Variants in FAM219A observed in about 807,000 individuals in gnomAD.
FAM219A encodes family with sequence similarity 219 member A.
In FAM219A, 7 loss-of-function variants were observed where a neutral mutation model predicts 23.4. The observed-to-expected ratio is 0.30, with a 90% confidence interval of 0.17 to 0.56. The LOEUF (loss-of-function observed/expected upper bound fraction) is 0.56. Among genes scored for constraint, FAM219A ranks in the 20% least tolerant of loss-of-function variants. The probability of loss-of-function intolerance (pLI) is 0.92; values close to 1 mark genes in which losing one functional copy is unlikely to be tolerated. For synonymous variants in FAM219A, 93 were observed against 99.0 expected (o/e 0.94, Z 0.36); for missense variants, 166 against 246.9 (o/e 0.67, Z 2.20).
intron 1 of FAM219A, among the ~76,000 whole-genome samples, chr9:34,421,961 CT>C (rs1174965816): frequency 5.1e-4 from 78 of 152,272 alleles, no homozygotes; most frequent in Non-Finnish European, 5.9e-5. Context: ...AATAGTGTGG[CT>C]CTAGGCCAGC....
rs79329823 is a variant in FAM219A, at chr9:34,403,033, T to C, written c.161-226A>G. Among the ~76,000 whole-genome samples, 838 of 152,274 alleles carry C rather than the reference T, an allele frequency of 5.5e-3. 12 individuals are homozygous for C. Among genetic ancestry groups the C allele is most frequent in the Admixed American group, 0.021 (327 of 15,306 alleles). On this transcript the variant is annotated intron_variant, in intron 2 of 5. Transcript: ENST00000651358. ...AAAAAGAGGAGGCTGCCCCCTGTTT[T>C]TCAGGAACCACAACTCCCATGTTAG...
Position 34,401,173 on chromosome 9 carries a change from C to G in FAM219A, c.400-51G>C, listed in dbSNP as rs369418082. On this transcript the variant is annotated intron_variant, in intron 5 of 5. Coordinates refer to ENST00000651358, the MANE Select transcript of FAM219A (RefSeq NM_001184940.2). ...GGCCCGAGCGGCAGGGAGGCACCACCCACAGCTCTGCGGCCACTCCAGGCC... is the reference window on the plus strand; with the variant it reads ...GGCCCGAGCGGCAGGGAGGCACCACGCACAGCTCTGCGGCCACTCCAGGCC... 310 of 1,596,004 alleles carry G rather than the reference C, an allele frequency of 1.9e-4. 1 individual carries two copies. The highest frequency in any genetic ancestry group is 4.6e-4 in the Admixed American group (27 of 59,066).
chr9:34,426,599 T>G (rs895193949), intron 1 of FAM219A, among the ~76,000 whole-genome samples: 1 of 152,232 alleles, frequency 6.6e-6, no homozygotes. Flanking sequence ...CGTAGTAATG[T>G]AATTTAGTTT....
intron 1 of FAM219A, among the ~76,000 whole-genome samples, chr9:34,440,412 GT>G (rs1197237458): frequency 6.6e-6 from 1 of 152,266 alleles, no homozygotes; most frequent in Non-Finnish European, 1.5e-5. Context: ...CTCAGTGCAT[GT>G]ACTGTATTTG....
At chr9:34,401,249 C>G in intron 5 of FAM219A, 127 bp from the exon 6 acceptor site, 1 of 1,215,254 alleles carries the variant, frequency 8.2e-7, no homozygotes, top group Non-Finnish European at 1.2e-6. Flanking sequence ...CGCCCTGTCC[C>G]GGGTCTGTCT....
chr9:34,428,198 T>C (rs1165464144), intron 1 of FAM219A, among the ~76,000 whole-genome samples: 1 of 152,172 alleles, frequency 6.6e-6, no homozygotes, highest in African/African-American at 2.4e-5. Flanking sequence ...AACCTGGTTC[T>C]TGTAACCATG....
At chr9:34,455,917 G>A (rs113101427) in intron 1 of FAM219A, among the ~76,000 whole-genome samples, 1 of 152,190 alleles carries the variant, frequency 6.6e-6, no homozygotes, top group Non-Finnish European at 1.5e-5. Flanking sequence ...CTCAGGCCGG[G>A]CATAGCAGCT....
intron 1 of FAM219A, among the ~76,000 whole-genome samples, chr9:34,414,665 A>G (rs147648530): frequency 1.3e-4 from 20 of 152,362 alleles, no homozygotes; most frequent in Admixed American, 5.9e-4. Flanking sequence ...GATCTCTCCA[A>G]GTGTTATTGG....
intron 1 of FAM219A, among the ~76,000 whole-genome samples, chr9:34,410,035 G>C (rs909898795): frequency 6.6e-6 from 1 of 152,212 alleles, no homozygotes; most frequent in African/African-American, 2.4e-5. Context: ...CCTGGGCCGA[G>C]AGGGGAAGTG....
chr9:34,406,011 CAG>C (rs763911483), intron 1 of FAM219A, 47 bp from the exon 2 acceptor site: 22 of 1,539,918 alleles, frequency 1.4e-5, no homozygotes, highest in South Asian at 4.9e-5. Context: ...GGAGTGAAGA[CAG>C]GGGGCTGCTC....
At chr9:34,403,049 C>T (rs951742635) in intron 2 of FAM219A, among the ~76,000 whole-genome samples, 3 of 152,128 alleles carry the variant, frequency 2.0e-5, no homozygotes, top group African/African-American at 7.2e-5. Flanking sequence ...AACCACAACT[C>T]CCATGTTAGG....
chr9:34,442,695 AAC>A (rs1324102839), intron 1 of FAM219A, among the ~76,000 whole-genome samples: 1 of 151,642 alleles, frequency 6.6e-6, no homozygotes, highest in Non-Finnish European at 1.5e-5. Flanking sequence ...AAAAAAAAAA[AAC>A]AAAAAAAAAG....
chr9:34,427,365 G>A (rs1312488306), intron 1 of FAM219A, among the ~76,000 whole-genome samples: 1 of 151,770 alleles, frequency 6.6e-6, no homozygotes, highest in Non-Finnish European at 1.5e-5. Context: ...TATTTTTGTT[G>A]ACATGGAGTC....
intron 1 of FAM219A, among the ~76,000 whole-genome samples, chr9:34,442,786 A>T (rs1823228738): frequency 6.6e-6 from 1 of 152,024 alleles, no homozygotes; most frequent in Non-Finnish European, 1.5e-5. Context: ...GAATTAAAGG[A>T]TTTTTAGGGG....
intron 1 of FAM219A, among the ~76,000 whole-genome samples, chr9:34,425,781 C>A (rs117260534): frequency 7.2e-5 from 11 of 152,170 alleles, no homozygotes; most frequent in Non-Finnish European, 1.5e-4. Flanking sequence ...TCTGACCTTG[C>A]GGACCTACTG....
At chr9:34,448,368 T>C (rs1349741846) in intron 1 of FAM219A, among the ~76,000 whole-genome samples, 1 of 152,184 alleles carries the variant, frequency 6.6e-6, no homozygotes, top group Non-Finnish European at 1.5e-5. Context: ...ATAGCAGACA[T>C]GGAAAATCAA....
chr9:34,439,431 TAAGTAAAA>T (rs1312536256), intron 1 of FAM219A, among the ~76,000 whole-genome samples: 1 of 152,092 alleles, frequency 6.6e-6, no homozygotes, highest in Non-Finnish European at 1.5e-5. Flanking sequence ...AGACAAATGG[TAAGTAAAA>T]ATGAATCTGG....
At chr9:34,436,384 C>T (rs552307495) in intron 1 of FAM219A, among the ~76,000 whole-genome samples, 3 of 151,836 alleles carry the variant, frequency 2.0e-5, no homozygotes, top group South Asian at 2.1e-4. Flanking sequence ...GCTGGGACTA[C>T]AGGCACATGC....
chr9:34,416,282 GGAAGGAAGGAAGGAAGGAAGGAAGGAAC>G (rs1328739209), intron 1 of FAM219A, among the ~76,000 whole-genome samples: 4 of 136,448 alleles, frequency 2.9e-5, no homozygotes, highest in African/African-American at 1.1e-4. Flanking sequence ...AGGGAAGGAA[GGAAGGAAGGAAGGAAGGAAGGAAGGAAC>G]GAAGGAAGGA....
Sources: allele counts gnomAD v4.1 joint callset (sites outside exome capture counted in the v4.1 genomes callset), GRCh38; gene constraint gnomAD v4.1.1; transcripts MANE v1.5; gene names NCBI Gene and HGNC (gene_info 2026-07-23, HGNC 2026-07-21).